ARSF: variants seen among roughly 807,000 people sequenced by gnomAD.
ARSF encodes the protein arylsulfatase F.
Under a neutral mutation model 35.4 loss-of-function variants are expected in ARSF, and 33 were observed. The ratio of observed to expected loss-of-function variants is 0.93; its 90% CI spans 0.71 to 1.25. The LOEUF is 1.25. Among genes scored for constraint, ARSF ranks in the 50% most tolerant of loss-of-function variants. The pLI is 0.00. For missense variants in ARSF, 501 were observed against 480.2 expected (o/e 1.04, Z -0.40); for synonymous variants, 222 against 193.1 (o/e 1.15, Z -1.24).
At chrX:3,055,354 A>G in intron 1 of ARSF, among the ~76,000 whole-genome samples, 1 of 107,392 alleles carries the variant, frequency 9.3e-6, no homozygotes, top group Non-Finnish European at 1.9e-5. Context: ...AAAAAAAAAA[A>G]AAAAAAAAAA....
chrX:3,103,863 A>G lies in ARSF; in HGVS notation c.1204A>G (p.Ser402Gly), dbSNP rs769508643. 2.5e-6 allele frequency: 3 copies of G among 1,209,968 alleles called. No individual in the cohort carries two copies. The African/African-American group carries it at 5.2e-5, about 21-fold the overall frequency. Residue 402 changes from serine (S) to glycine (G), a missense_variant, in exon 9 of 11, where the codon AGT becomes GGT. Coordinates refer to ENST00000381127, the MANE Select transcript of ARSF (RefSeq NM_001201539.2). ...TGGACGGTTGATTAAGGAACCTACA[A>G]GTTTAATGGATATTTTACCAACTGT... The part of the protein sequence containing the change: ...PAGRLIKEPT[S>G]LMDILPTVAS...
chrX:3,078,314 T>C (rs1489897552), intron 4 of ARSF, among the ~76,000 whole-genome samples: 2 of 110,373 alleles, frequency 1.8e-5, no homozygotes, highest in African/African-American at 6.6e-5. Flanking sequence ...CTCAGCTTCC[T>C]AAGTAACTGG....
chrX:3,085,436 A>G (rs973597666), intron 6 of ARSF, among the ~76,000 whole-genome samples: 7 of 108,223 alleles, frequency 6.5e-5, no homozygotes, highest in Non-Finnish European at 1.1e-4. Flanking sequence ...TTAAAAAACA[A>G]AAAAAAAGCT....
chrX:3,084,793 G>T, intron 6 of ARSF, 127 bp downstream of exon 6: 1 of 670,985 alleles, frequency 1.5e-6, no homozygotes, highest in Non-Finnish European at 2.1e-6. Context: ...AGCTAAAAGA[G>T]AATAAGTCAA....
At chrX:3,042,026 G>A (rs2089957630) in intron 1 of ARSF, among the ~76,000 whole-genome samples, 1 of 112,072 alleles carries the variant, frequency 8.9e-6, no homozygotes, top group Non-Finnish European at 1.9e-5. Context: ...GATATTATAA[G>A]GTGTCAAAAT....
intron 7 of ARSF, among the ~76,000 whole-genome samples, chrX:3,093,947 G>C (rs183125464): frequency 1.3e-3 from 145 of 111,688 alleles, no homozygotes; most frequent in African/African-American, 4.4e-3. Context: ...AAAAGTAACT[G>C]AGGTCTTTGT....
In ARSF at chrX:3,110,250, A is replaced by T. The variant is rs1163121514; in HGVS notation, c.1388A>T (p.Asp463Val). 2.6e-6 allele frequency: 3 copies of T among 1,171,366 alleles called. No homozygotes were observed. The highest frequency in any genetic ancestry group is 2.4e-4 in the Middle Eastern group (1 of 4,181). Residue 463 changes from aspartate to valine, a missense_variant and splice_region_variant, in exon 10 of 11, where the codon GAC (aspartate) becomes GTC (valine). Physicochemically the swap from Asp to Val is radical, Grantham distance 152 (BLOSUM62 -3). Transcript: ENST00000381127. ...GCCGTGCGGTGGATCCCCAAGGACG[A>T]CAGTGAGTGCTCAACCCGTTGCTTC... Reference protein sequence around the residue: ...LHAVRWIPKDDSGSVWKAHYV... With the variant: ...LHAVRWIPKDVSGSVWKAHYV...
intron 4 of ARSF, among the ~76,000 whole-genome samples, chrX:3,080,461 A>C (rs1339909444): frequency 1.2e-5 from 1 of 85,476 alleles, no homozygotes; most frequent in Non-Finnish European, 2.3e-5. Context: ...TGACAAAGCG[A>C]GACTTCATCT....
Position 3,106,737 on chromosome X carries a change from G to C in ARSF, c.1265+2813G>C, listed in dbSNP as rs377616930. On this transcript the variant is annotated intron_variant, in intron 9 of 10. Coordinates refer to ENST00000381127, the MANE Select transcript of ARSF (RefSeq NM_001201539.2). ...ATTTATAACCAGAGATCCTGAACAA[G>C]AGTGTAGAATAGACAAAAAAGAAAA... 2.7e-5 allele frequency among the ~76,000 whole-genome samples: 3 copies of C among 112,598 alleles called. No individual in the cohort carries two copies. The East Asian group carries it at 8.3e-4, about 31-fold the overall frequency.
chrX:3,047,008 A>G lies in ARSF; in HGVS notation c.-29+5345A>G, dbSNP rs189338909. On this transcript the variant is annotated intron_variant, in intron 1 of 10. Transcript: ENST00000381127. ...GTCGTAACATTTTCAGAAAGTTTACACATTTGTGTTGGGCCACATTCAAAG... is the reference window on the plus strand; with the variant it reads ...GTCGTAACATTTTCAGAAAGTTTACGCATTTGTGTTGGGCCACATTCAAAG... 6.3e-5 allele frequency among the ~76,000 whole-genome samples: 7 copies of G among 110,663 alleles called. No homozygotes were observed. In the East Asian group the frequency reaches 2.0e-3, roughly 32 times the overall value.
chrX:3,062,921 A>T (rs1237921030), intron 1 of ARSF, among the ~76,000 whole-genome samples: 1 of 112,072 alleles, frequency 8.9e-6, no homozygotes, highest in East Asian at 2.8e-4. Flanking sequence ...TCCAATCAAT[A>T]GAAAAAGAGG....
At position 3,084,584 on chromosome X, in the gene ARSF, G is replaced by C. The variant is rs1389464266; in HGVS notation, c.748G>C (p.Gly250Arg). The C allele has an allele frequency of 1.7e-6, 2 of 1,210,716 alleles. No homozygotes were observed. The highest frequency in any genetic ancestry group is 2.2e-6 in the Non-Finnish European group (2 of 894,808). ...PLYWDCLLMRGHEITEQPMKA... is the reference protein window; with the variant it reads ...PLYWDCLLMRRHEITEQPMKA... ...ATACTGGGACTGCCTCCTCATGCGG[G>C]GGCACGAGATCACGGAGCAGCCCAT... The change falls in exon 6 of 11, where the codon GGG (glycine) becomes CGG (arginine). Residue 250 changes from glycine (G) to arginine (R), a missense_variant. Gly to Arg is a moderately radical substitution (Grantham distance 125, BLOSUM62 -2). Coordinates refer to ENST00000381127, the MANE Select transcript of ARSF (RefSeq NM_001201539.2).
intron 6 of ARSF, among the ~76,000 whole-genome samples, chrX:3,088,120 G>T (rs185553726): frequency 8.9e-6 from 1 of 112,047 alleles, no homozygotes; most frequent in Non-Finnish European, 1.9e-5. Flanking sequence ...TTAACAGCGG[G>T]TCAGCCTAGT....
chrX:3,059,797 G>T (rs773959117), intron 1 of ARSF, among the ~76,000 whole-genome samples: 37 of 112,707 alleles, frequency 3.3e-4, no homozygotes, highest in Non-Finnish European at 6.4e-4. Flanking sequence ...AGCTCGAACT[G>T]GGCAGAGCCC....
intron 1 of ARSF, among the ~76,000 whole-genome samples, chrX:3,056,025 C>T (rs937171658): frequency 3.6e-5 from 4 of 111,627 alleles, no homozygotes; most frequent in Non-Finnish European, 5.6e-5. Flanking sequence ...AATTACGATA[C>T]GGCTCATTGC....
At chrX:3,058,465 C>T (rs1393215299) in intron 1 of ARSF, 2 of 240,824 alleles carry the variant, frequency 8.3e-6, no homozygotes, top group South Asian at 4.5e-5. Context: ...AGCGATCCCC[C>T]ACCTCAGTCT....
At position 3,102,783 on chromosome X, in the gene ARSF, A is replaced by G. The variant is rs775552462; in HGVS notation, c.1103-979A>G. On this transcript the variant is annotated intron_variant, in intron 8 of 10. Transcript: ENST00000381127. ...AAAAATTAGCTGGGCATAGTGGCGG[A>G]CACCTGTAGTCCCAGCTACTCAGGA... Among the ~76,000 whole-genome samples, 12 of 110,628 alleles carry G rather than the reference A, an allele frequency of 1.1e-4. No individual in the cohort carries two copies. The South Asian group carries it at 2.0e-3, about 18-fold the overall frequency.
chrX:3,045,327 CAAAA>C (rs2089970248), intron 1 of ARSF, among the ~76,000 whole-genome samples: 1 of 111,096 alleles, frequency 9.0e-6, no homozygotes, highest in Non-Finnish European at 1.9e-5. Flanking sequence ...GTTTAGTAGG[CAAAA>C]GAAAGAGAAG....
chrX:3,044,884 C>T (rs181874337), intron 1 of ARSF, among the ~76,000 whole-genome samples: 9 of 110,106 alleles, frequency 8.2e-5, no homozygotes, highest in African/African-American at 2.6e-4. Context: ...TCACTAGGGC[C>T]GAGCTTCCAG....
Sources: gnomAD v4.1 joint callset for allele counts (sites outside exome capture counted in the v4.1 genomes callset) on GRCh38, gnomAD v4.1.1 for gene constraint, MANE v1.5 for transcripts, NCBI Gene and HGNC (gene_info 2026-07-23, HGNC 2026-07-21) for gene names.